Variants in APBB2 observed in about 807,000 individuals in gnomAD.
APBB2 encodes the protein Fe65-like 1.
In APBB2, 38 loss-of-function variants were observed where a neutral mutation model predicts 82.5. The ratio of observed to expected loss-of-function variants is 0.46; its 90% confidence interval spans 0.36 to 0.60. The LOEUF is 0.60. APBB2 is among the 20% of genes least tolerant of loss of function. APBB2 has a pLI of 0.00. For synonymous variants in APBB2, 341 were observed against 368.2 expected (o/e 0.93, Z 0.85); for missense variants, 772 against 972.3 (o/e 0.79, Z 2.74).
intron 16 of APBB2, among the ~76,000 whole-genome samples, chr4:40,822,799 G>C (rs992274521): frequency 6.6e-6 from 1 of 152,242 alleles, no homozygotes; most frequent in Non-Finnish European, 1.5e-5. Flanking sequence ...ACACTAGTGT[G>C]AGAGGTCGGG....
chr4:41,032,778 C>T (rs374026152), intron 5 of APBB2, among the ~76,000 whole-genome samples: 28 of 84,310 alleles, frequency 3.3e-4, no homozygotes, highest in East Asian at 1.6e-3. Flanking sequence ...ATTTTTCTTT[C>T]TTTTTTTTTT....
chr4:41,057,222 G>T (rs1477673755), intron 4 of APBB2, among the ~76,000 whole-genome samples: 2 of 152,094 alleles, frequency 1.3e-5, no homozygotes, highest in Non-Finnish European at 2.9e-5. Context: ...AGGCTGAGGC[G>T]GGCAGATCAC....
At chr4:40,967,284 A>G (rs1794900942) in intron 6 of APBB2, among the ~76,000 whole-genome samples, 1 of 152,202 alleles carries the variant, frequency 6.6e-6, no homozygotes, top group Non-Finnish European at 1.5e-5. Flanking sequence ...GACGTAGGAC[A>G]AGAACTCGGG....
chr4:41,057,778 G>A (rs1341100316), intron 4 of APBB2, among the ~76,000 whole-genome samples: 1 of 152,202 alleles, frequency 6.6e-6, no homozygotes, highest in Non-Finnish European at 1.5e-5. Flanking sequence ...CCCATAAAAA[G>A]TTGCATGTGT....
At chr4:41,193,806 G>C in intron 1 of APBB2, 1 of 152,254 alleles carries the variant, frequency 6.6e-6, no homozygotes, top group African/African-American at 2.4e-5. Flanking sequence ...GCAAGTAGTT[G>C]TAAGAGGGTG....
chr4:41,133,887 A>G (rs1388063198), intron 2 of APBB2, among the ~76,000 whole-genome samples: 1 of 152,104 alleles, frequency 6.6e-6, no homozygotes, highest in African/African-American at 2.4e-5. Context: ...TCCCCCAGCC[A>G]CCAAAATACC....
At chr4:40,992,322 C>G (rs1802343281) in intron 6 of APBB2, among the ~76,000 whole-genome samples, 1 of 146,194 alleles carries the variant, frequency 6.8e-6, no homozygotes, top group South Asian at 2.2e-4. Context: ...CGGCACTACA[C>G]TTAGCTAATT....
intron 3 of APBB2, among the ~76,000 whole-genome samples, chr4:41,077,081 T>C (rs984372291): frequency 8.9e-4 from 135 of 151,636 alleles, no homozygotes; most frequent in Non-Finnish European, 1.6e-4. Context: ...AGTAGCTCAC[T>C]GCAGCTTCGA....
intron 2 of APBB2, among the ~76,000 whole-genome samples, chr4:41,135,615 G>C (rs748187800): frequency 6.6e-6 from 1 of 152,046 alleles, no homozygotes; most frequent in Non-Finnish European, 1.5e-5. Flanking sequence ...GTTTGTTCTT[G>C]TATCAGTAAT....
intron 12 of APBB2, among the ~76,000 whole-genome samples, chr4:40,854,790 C>CAAAAAAAAAAAAAAA (rs80240731): frequency 8.0e-6 from 1 of 124,822 alleles, no homozygotes; most frequent in African/African-American, 3.2e-5. Flanking sequence ...AGTCCATCTC[C>CAAAAAAAAAAAAAAA]AAAAAAAAAA....
intron 12 of APBB2, chr4:40,842,525 C>T (rs994283474): frequency 1.5e-5 from 5 of 331,556 alleles, no homozygotes; most frequent in Non-Finnish European, 3.2e-5. Flanking sequence ...ATAGGCTTTC[C>T]GTGCTTATTT....
intron 3 of APBB2, among the ~76,000 whole-genome samples, chr4:41,074,940 G>C (rs765218544): frequency 1.3e-5 from 2 of 152,114 alleles, no homozygotes; most frequent in East Asian, 3.8e-4. Flanking sequence ...CCTGAGCCCA[G>C]GAATTCCAAC....
At chr4:40,969,813 AC>A (rs1795523573) in intron 6 of APBB2, among the ~76,000 whole-genome samples, 1 of 152,216 alleles carries the variant, frequency 6.6e-6, no homozygotes, top group African/African-American at 2.4e-5. Flanking sequence ...TGTAAAGGGA[AC>A]ATGTTTCAAC....
At chr4:40,971,148 C>T (rs907297732) in intron 6 of APBB2, among the ~76,000 whole-genome samples, 1 of 152,204 alleles carries the variant, frequency 6.6e-6, no homozygotes. Flanking sequence ...TAGATTTCTA[C>T]CGACTGATAA....
intron 7 of APBB2, among the ~76,000 whole-genome samples, chr4:40,937,649 T>C (rs1231259767): frequency 2.6e-5 from 4 of 152,262 alleles, no homozygotes; most frequent in African/African-American, 9.6e-5. Context: ...ATATGTGTTA[T>C]GACTGGGCCA....
intron 10 of APBB2, among the ~76,000 whole-genome samples, chr4:40,922,979 CTTTTTTTT>C (rs5857757): frequency 1.4e-5 from 2 of 140,574 alleles, no homozygotes; most frequent in African/African-American, 2.6e-5. Context: ...CAATTTTTTT[CTTTTTTTT>C]TTTTTGAGAC....
chr4:41,077,171 ATTTTT>A (rs368187037), intron 3 of APBB2, among the ~76,000 whole-genome samples: 1,382 of 129,960 alleles, frequency 0.011, 24 homozygotes, highest in African/African-American at 0.038. Flanking sequence ...CACCCAGCTA[ATTTTT>A]TTTTTTTTTT....
Position 40,893,415 on chromosome 4 carries a change from G to C in APBB2, c.1255-4C>G, listed in dbSNP as rs1350468014. Reference sequence around the variant, plus strand: ...CCAGAGAACGCACAGCAAAACACTGGAAGACAGTGAAAGAGGACAAGAAGT... The same window carrying C: ...CCAGAGAACGCACAGCAAAACACTGCAAGACAGTGAAAGAGGACAAGAAGT... On this transcript the variant is annotated splice_polypyrimidine_tract_variant and splice_region_variant and intron_variant, in intron 10 of 17. Coordinates refer to ENST00000508593, the MANE Select transcript of APBB2 (RefSeq NM_004307.2). 3 of 1,605,320 alleles carry C rather than the reference G, an allele frequency of 1.9e-6. No homozygotes were observed. Among genetic ancestry groups the C allele is most frequent in the Non-Finnish European group, 2.6e-6 (3 of 1,175,026 alleles).
chr4:41,105,680 T>C lies in APBB2; in HGVS notation c.-260-4930A>G, dbSNP rs182126585. Among the ~76,000 whole-genome samples the C allele has an allele frequency of 9.2e-4, 140 of 152,140 alleles. 2 individuals are homozygous for C. In the East Asian group the frequency reaches 0.023, roughly 25 times the overall value. On this transcript the variant is annotated intron_variant, in intron 2 of 17. Coordinates refer to ENST00000508593, the MANE Select transcript of APBB2 (RefSeq NM_004307.2). ...CGGGCAGATCACAAGGTCAGGAGAT[T>C]GAGACCATCCTGGCTAACACAGTGA... is the stretch of plus-strand genomic sequence containing the variant.
Sources: allele counts gnomAD v4.1 joint callset (sites outside exome capture counted in the v4.1 genomes callset), GRCh38; gene constraint gnomAD v4.1.1; transcripts MANE v1.5; gene names NCBI Gene and HGNC (gene_info 2026-07-23, HGNC 2026-07-21).